The following IL18BP variants were observed in gnomAD, a reference collection of about 807,000 sequenced individuals.
The protein encoded by IL18BP is interleukin-18-binding protein.
A neutral mutation model predicts 19.9 loss-of-function variants in IL18BP; 23 were observed. The observed-to-expected ratio is 1.15, with a 90% CI of 0.83 to 1.64. The LOEUF is 1.64. IL18BP is among the 40% of genes most tolerant of loss of function. The pLI, the probability that IL18BP is intolerant of heterozygous loss-of-function variation, is 0.00. For missense variants in IL18BP, 239 were observed against 240.7 expected (o/e 0.99, Z 0.05); for synonymous variants, 107 against 101.0 (o/e 1.06, Z -0.35).
At chr11:71,999,789 G>T in intron 1 of IL18BP, 138 bp from the exon 2 acceptor site, 1 of 597,540 alleles carries the variant, frequency 1.7e-6, no homozygotes, top group East Asian at 2.8e-5. Flanking sequence ...ATTGTCACTT[G>T]ACCCCCCCAG....
chr11:72,005,974 G>A, downstream of IL18BP: 1 of 1,357,476 alleles, frequency 7.4e-7, no homozygotes, highest in Non-Finnish European at 1.0e-6. Context: ...TCTTTTCCCT[G>A]TGCCACGATC....
chr11:72,007,439 T>C (rs764736611), downstream of IL18BP: 4 of 1,613,092 alleles, frequency 2.5e-6, no homozygotes, highest in South Asian at 3.3e-5. Context: ...CAGCTTGCTA[T>C]GGAAAGGAAA....
downstream of IL18BP, chr11:72,004,884 C>A (rs2845858): frequency 1.9e-5 from 28 of 1,435,896 alleles, no homozygotes; most frequent in Non-Finnish European, 2.1e-5. Context: ...CTGGGGCTGT[C>A]CCAGAACTCT....
intron 1 of IL18BP, 147 bp from the exon 2 acceptor site, chr11:71,999,780 T>G: frequency 1.7e-6 from 1 of 589,914 alleles, no homozygotes; most frequent in East Asian, 2.8e-5. Flanking sequence ...TGGGGAAGGA[T>G]TGTCACTTGA....
chr11:72,000,386 C>A lies in IL18BP; in HGVS notation c.64C>A (p.His22Asn), dbSNP rs762907176. The change falls in exon 3 of 6, where the codon CAC (histidine) becomes AAC (asparagine). Residue 22 changes from histidine to asparagine, a missense_variant. Transcript: ENST00000393703. ...SPLWVLLLCA[H>N]VVTLLVRATP... The stretch of plus-strand genomic sequence containing the variant: ...TTTGTGGGTCCTGCTCCTGTGTGCC[C>A]ACGTCGTCACTCTCCTGGTCAGAGC... 9 of 1,613,902 alleles carry A rather than the reference C, an allele frequency of 5.6e-6. No homozygotes were observed. Among genetic ancestry groups the A allele is most frequent in the Non-Finnish European group, 6.8e-6 (8 of 1,180,030 alleles).
At chr11:72,000,050 G>C in intron 2 of IL18BP, 38 bp downstream of exon 2, 2 of 1,611,818 alleles carry the variant, frequency 1.2e-6, no homozygotes, top group Non-Finnish European at 1.7e-6. Context: ...GCGGGGTAGG[G>C]TGAGGTCTAT....
chr11:72,005,591 C>T (rs991987004), downstream of IL18BP: 10 of 551,000 alleles, frequency 1.8e-5, no homozygotes, highest in South Asian at 1.0e-4. Flanking sequence ...AGAGGTCACA[C>T]GCAGAGACTG....
downstream of IL18BP, chr11:72,003,826 G>C: frequency 6.5e-7 from 1 of 1,547,668 alleles, no homozygotes. Context: ...TTGGTGGGGC[G>C]GTCTGGGGGG....
chr11:72,005,242 C>T (rs774206387), downstream of IL18BP: 1 of 1,598,598 alleles, frequency 6.3e-7, no homozygotes, highest in Admixed American at 1.8e-5. Flanking sequence ...CCCTGGACTC[C>T]AGGGGATAGC....
At chr11:72,007,239 G>A (rs375276945), downstream of IL18BP, 47 of 1,612,984 alleles carry the variant, frequency 2.9e-5, no homozygotes, top group Admixed American at 1.3e-4. Context: ...CGAGCGGAGC[G>A]GGTCTTACGA....
downstream of IL18BP, chr11:72,003,393 G>T: frequency 1.2e-6 from 1 of 868,258 alleles, no homozygotes; most frequent in Admixed American, 1.8e-5. Flanking sequence ...GTGCGGGCAG[G>T]CATCACTGTC....
downstream of IL18BP, chr11:72,008,093 T>TGTTTATTGTTGTTGGGGGACAAATAA (rs1955868950): frequency 2.1e-6 from 1 of 478,246 alleles, no homozygotes; most frequent in East Asian, 5.2e-5. Flanking sequence ...TAAACCTACC[T>TGTTTATTGTTGTTGGGGGACAAATAA]CAGAGGGTTG....
downstream of IL18BP, chr11:72,003,908 G>T (rs1955457991): frequency 6.2e-7 from 1 of 1,613,686 alleles, no homozygotes; most frequent in South Asian, 1.1e-5. Context: ...CTCGAGGGGT[G>T]GCACCAATGG....
chr11:72,005,065 CCT>C (rs574708472), downstream of IL18BP, among the ~76,000 whole-genome samples: 90 of 152,236 alleles, frequency 5.9e-4, no homozygotes, highest in African/African-American at 1.7e-3. Flanking sequence ...GGACTTCACC[CCT>C]GAGTGCCCTC....
chr11:72,001,299 G>C lies in IL18BP; in HGVS notation c.334G>C (p.Gly112Arg), dbSNP rs748891182. The change falls in exon 4 of 6, where the codon GGC becomes CGC. Residue 112 changes from glycine (G) to arginine (R), a missense_variant. Physicochemically the swap from Gly to Arg is moderately radical, Grantham distance 125. Coordinates refer to ENST00000393703, the MANE Select transcript of IL18BP (RefSeq NM_001039660.2). ...GNGSFIEHLP[G>R]RLWEGSTSRE... ...TGGTTCCTTCATTGAGCACCTCCCA[G>C]GCCGACTGTGGGAGGGGAGCACCAG... The C allele has an allele frequency of 1.2e-6, 2 of 1,614,224 alleles. No individual in the cohort carries two copies. Among genetic ancestry groups the C allele is most frequent in the Non-Finnish European group, 1.7e-6 (2 of 1,180,026 alleles).
intron 1 of IL18BP, chr11:71,999,286 C>T (rs1440739688): frequency 9.9e-6 from 4 of 405,000 alleles, no homozygotes; most frequent in Non-Finnish European, 2.0e-5. Flanking sequence ...AAGCAGATGC[C>T]TGTTCATATG....
chr11:72,000,887 C>A (rs1955179242), intron 3 of IL18BP, among the ~76,000 whole-genome samples: 1 of 152,230 alleles, frequency 6.6e-6, no homozygotes, highest in Middle Eastern at 3.2e-3. Context: ...AGCCATCCAG[C>A]ACTGCCTTTG....
In IL18BP at chr11:72,000,568, CAGT is replaced by C. The variant is rs548284318; in HGVS notation, c.235+12_235+14del. On this transcript the variant is annotated intron_variant, in intron 3 of 5. Transcript: ENST00000393703. Reference sequence around the variant, plus strand: ...TGGAAGTGCCACTGAGTAAGAAGCACAGTGGTGGAGGGTGGGCTATGGGCACAG... The same window carrying C: ...TGGAAGTGCCACTGAGTAAGAAGCACGGTGGAGGGTGGGCTATGGGCACAG... 1,749 of 1,605,848 alleles carry C rather than the reference CAGT, an allele frequency of 1.1e-3. 9 individuals are homozygous for C. In the Middle Eastern group the frequency reaches 0.021, roughly 19 times the overall value.
downstream of IL18BP, chr11:72,005,918 T>C: frequency 1.2e-6 from 1 of 840,320 alleles, no homozygotes; most frequent in East Asian, 2.5e-5. Flanking sequence ...CAGGTGGAGC[T>C]GGATGGTAGC....
Sources: allele counts gnomAD v4.1 joint callset (sites outside exome capture counted in the v4.1 genomes callset), GRCh38; gene constraint gnomAD v4.1.1; transcripts MANE v1.5; gene names NCBI Gene and HGNC (gene_info 2026-07-23, HGNC 2026-07-21).